DPP6: variants seen among roughly 807,000 people sequenced by gnomAD.
DPP6 encodes dipeptidyl peptidase like 6.
Under a neutral mutation model 122.6 loss-of-function variants are expected in DPP6, and 69 were observed. That is an observed-to-expected ratio of 0.56 (90% CI 0.46 to 0.69). DPP6 has a LOEUF of 0.69. Ranked by LOEUF, DPP6 falls within the 30% of genes least tolerant of loss-of-function variation. DPP6 has a pLI of 0.00. For synonymous variants in DPP6, 418 were observed against 433.1 expected (o/e 0.97, Z 0.43); for missense variants, 928 against 1,116.9 (o/e 0.83, Z 2.41).
At position 154,403,101 on chromosome 7, in the gene DPP6, T is replaced by G. The variant is rs1815779599; in HGVS notation, c.244-43113T>G. On this transcript the variant is annotated intron_variant, in intron 1 of 25. Transcript: ENST00000377770. This position sits in a 1 kb window ranked among gnomAD's most constrained non-coding sequence, Gnocchi z 4.1. ...GTACCTGCCTGAAAATGCTCAACAC[T>G]GTCCATCAGTAAGTAAGAGCACCAG... Among the ~76,000 whole-genome samples, 1 of 152,230 alleles carries G rather than the reference T, an allele frequency of 6.6e-6. No homozygotes were observed. The highest frequency in any genetic ancestry group is 2.1e-4 in the South Asian group (1 of 4,836).
At chr7:153,773,159 A>C in the DPP6 span, among the ~76,000 whole-genome samples, 1 of 148,624 alleles carries the variant, frequency 6.7e-6, no homozygotes, top group African/African-American at 2.4e-5. Flanking sequence ...GCACCTAATG[A>C]CAGAACACAC....
chr7:154,315,820 C>T lies in DPP6; in HGVS notation c.244-130394C>T, dbSNP rs187154177. Among the ~76,000 whole-genome samples, 4 of 152,288 alleles carry T rather than the reference C, an allele frequency of 2.6e-5. No homozygotes were observed. The East Asian group carries it at 7.7e-4, about 29-fold the overall frequency. On this transcript the variant is annotated intron_variant, in intron 1 of 25. Coordinates refer to ENST00000377770, the MANE Select transcript of DPP6 (RefSeq NM_130797.4). The stretch of plus-strand genomic sequence containing the variant: ...GCCTGGGATACATGACTGTGTCTTC[C>T]TCCATAGGGGTCAGTTTAACTAAGA...
At chr7:154,179,213 C>T (rs1375408687) in intron 1 of DPP6, among the ~76,000 whole-genome samples, 2 of 152,182 alleles carry the variant, frequency 1.3e-5, no homozygotes, top group Non-Finnish European at 2.9e-5. Flanking sequence ...CCTATTAGAA[C>T]TCAGCATTGC....
chr7:154,861,058 T>G lies in DPP6; in HGVS notation c.1715-6937T>G, dbSNP rs1216050572. Among the ~76,000 whole-genome samples the G allele has an allele frequency of 2.0e-5, 3 of 152,328 alleles. No individual in the cohort carries two copies. The South Asian group carries it at 6.2e-4, about 32-fold the overall frequency. On this transcript the variant is annotated intron_variant, in intron 17 of 25. Transcript: ENST00000377770. ...CTAACTTCAGCCCTAGGTCTTAACA[T>G]GGCTGCATCAGGCAAGTTTCTACCT...
At chr7:154,884,227 TCACACACACACATGCTCACAAATTA>T (rs1563324681) in intron 21 of DPP6, 1 of 144,494 alleles carries the variant, frequency 6.9e-6, no homozygotes, top group Admixed American at 6.9e-5. Flanking sequence ...ATGCACCTGC[TCACACACACACATGCTCACAAATTA>T]CATACACATG....
In DPP6 at chr7:154,892,853, G is replaced by A. The variant is rs746970815; in HGVS notation, c.*373G>A. Reference sequence around the variant, plus strand: ...GCCACCAAGCGGAAGCATGAGACCCGCCCACACTAGCCTCTGTGTTCCCGT... The same window carrying A: ...GCCACCAAGCGGAAGCATGAGACCCACCCACACTAGCCTCTGTGTTCCCGT... On this transcript the variant is annotated 3_prime_UTR_variant, in exon 26 of 26. Coordinates refer to ENST00000377770, the MANE Select transcript of DPP6 (RefSeq NM_130797.4). 15 of 539,300 alleles carry A rather than the reference G, an allele frequency of 2.8e-5. No individual in the cohort carries two copies. Among genetic ancestry groups the A allele is most frequent in the African/African-American group, 2.1e-4 (11 of 52,744 alleles). The allele number at this position is 539,300 out of a possible 1,614,324, so 33.4% of individuals were successfully genotyped here.
intron 6 of DPP6, among the ~76,000 whole-genome samples, chr7:154,664,476 G>A (rs752630731): frequency 6.6e-6 from 1 of 152,100 alleles, no homozygotes; most frequent in Non-Finnish European, 1.5e-5. Context: ...GTCCCACTCT[G>A]CCCTCTGTGC....
chr7:153,835,527 A>G, the DPP6 span, among the ~76,000 whole-genome samples: 1 of 152,164 alleles, frequency 6.6e-6, no homozygotes, highest in East Asian at 1.9e-4. Flanking sequence ...AAATGCTCTC[A>G]AGATAGAATT....
intron 1 of DPP6, among the ~76,000 whole-genome samples, chr7:154,379,884 C>T (rs554863908): frequency 6.6e-6 from 1 of 152,222 alleles, no homozygotes; most frequent in South Asian, 2.1e-4. Flanking sequence ...AGCCATCTGC[C>T]ACCCAAAATG....
chr7:153,997,424 G>T (rs1332775757), intron 1 of DPP6, among the ~76,000 whole-genome samples: 1 of 151,980 alleles, frequency 6.6e-6, no homozygotes, highest in Non-Finnish European at 1.5e-5. Flanking sequence ...TCTGGTGAAC[G>T]AGTAAATAAC....
At chr7:154,251,255 T>G (rs775961538) in intron 1 of DPP6, among the ~76,000 whole-genome samples, 1 of 152,150 alleles carries the variant, frequency 6.6e-6, no homozygotes, top group Non-Finnish European at 1.5e-5. Flanking sequence ...GCTACTTATT[T>G]CAGAGGAAGA....
At chr7:153,899,780 G>A (rs991660903) in intron 1 of DPP6, among the ~76,000 whole-genome samples, 2 of 152,222 alleles carry the variant, frequency 1.3e-5, no homozygotes, top group Non-Finnish European at 2.9e-5. Context: ...GTAGGTGAGT[G>A]TGAATGTGTG....
At chr7:154,019,765 C>T (rs1243165901) in intron 1 of DPP6, among the ~76,000 whole-genome samples, 1 of 152,166 alleles carries the variant, frequency 6.6e-6, no homozygotes, top group Non-Finnish European at 1.5e-5. Context: ...CAAATCATGA[C>T]CCAAAATTAG....
intron 1 of DPP6, among the ~76,000 whole-genome samples, chr7:154,420,471 G>A (rs961097518): frequency 2.0e-5 from 3 of 152,178 alleles, no homozygotes; most frequent in African/African-American, 7.2e-5. Flanking sequence ...CTCATGGAAG[G>A]AGAGAATAGA....
chr7:153,749,337 G>A, the DPP6 span, among the ~76,000 whole-genome samples: 2 of 152,098 alleles, frequency 1.3e-5, no homozygotes, highest in Non-Finnish European at 2.9e-5. The surrounding 1 kb of genome is among the most constrained non-coding windows in gnomAD (Gnocchi z 4.1). Flanking sequence ...CGAGGCTTTC[G>A]GGAGAAGAGG....
intron 1 of DPP6, among the ~76,000 whole-genome samples, chr7:153,950,721 G>A (rs1406170311): frequency 6.6e-6 from 1 of 152,210 alleles, no homozygotes; most frequent in Non-Finnish European, 1.5e-5. Context: ...TTGGGTGGAT[G>A]CTGACCTCAT....
intron 1 of DPP6, among the ~76,000 whole-genome samples, chr7:154,120,535 C>T (rs1256665012): frequency 3.3e-5 from 5 of 152,262 alleles, no homozygotes; most frequent in East Asian, 1.9e-4. Context: ...TGAGCCACCG[C>T]GCCCAGCCAT....
At chr7:154,805,201 C>G (rs1455454661) in intron 15 of DPP6, among the ~76,000 whole-genome samples, 27 of 152,222 alleles carry the variant, frequency 1.8e-4, no homozygotes, top group Admixed American at 1.8e-3. Context: ...TTTTCCCTGT[C>G]ACCCACTTGC....
intron 1 of DPP6, among the ~76,000 whole-genome samples, chr7:154,365,094 G>A (rs1290576460): frequency 6.6e-6 from 1 of 152,130 alleles, no homozygotes; most frequent in African/African-American, 2.4e-5. Context: ...CTGTTCATTT[G>A]ACTTGGTGTC....
Sources: gnomAD v4.1 joint callset for allele counts (sites outside exome capture counted in the v4.1 genomes callset) on GRCh38, gnomAD v4.1.1 for gene constraint, Gnocchi (gnomAD v3.1) non-coding constraint, MANE v1.5 for transcripts, NCBI Gene and HGNC (gene_info 2026-07-23, HGNC 2026-07-21) for gene names.